The following ERI2 variants were observed in gnomAD, a reference collection of about 807,000 sequenced individuals.
The protein encoded by ERI2 is ERI1 exoribonuclease 2.
Under a neutral mutation model 46.8 loss-of-function variants are expected in ERI2, and 35 were observed. That is an observed-to-expected ratio of 0.75 (90% CI 0.57 to 0.99). ERI2 has a LOEUF of 0.99. ERI2 is among the 50% of genes least tolerant of loss of function. The pLI is 0.00. For synonymous variants in ERI2, 224 were observed against 271.0 expected (o/e 0.83, Z 1.70); for missense variants, 695 against 796.2 (o/e 0.87, Z 1.53).
rs1029199969 is a variant in ERI2 at position 20,805,993 on chromosome 16, A to G, written c.23+415T>C. 14 of 1,082,976 alleles carry G rather than the reference A, an allele frequency of 1.3e-5. No individual in the cohort carries two copies. In the South Asian group the frequency reaches 3.0e-4, roughly 23 times the overall value. 67.1% of individuals were successfully genotyped at this position (1,082,976 alleles called of 1,614,324 possible). A position where few individuals can be genotyped will look rare whatever the true frequency, so the allele number is the denominator to read the frequency against. On this transcript the variant is annotated intron_variant, in intron 1 of 8. Transcript: ENST00000357967. ...TACTAAATAAATTAAATTTAAGTTTAAGTTCTATTTCTTTACAGCACCGAG... is the reference window on the plus strand; with the variant it reads ...TACTAAATAAATTAAATTTAAGTTTGAGTTCTATTTCTTTACAGCACCGAG...
intron 6 of ERI2, 68 bp downstream of exon 6, chr16:20,800,234 T>C: frequency 2.7e-6 from 3 of 1,094,208 alleles, no homozygotes; most frequent in South Asian, 2.8e-5. Flanking sequence ...CCCATGCCCA[T>C]GTGTAGGATA....
rs780189382 is a variant in ERI2 at position 20,801,392 on chromosome 16, A to G, written c.304-33T>C. ...GAGAGTCACAAAAGCTGAATTCAAC[A>G]ATCAAATTCCATTATTATTTAGCAT... is the stretch of plus-strand genomic sequence containing the variant. On this transcript the variant is annotated intron_variant, in intron 4 of 8. Coordinates refer to ENST00000357967, the MANE Select transcript of ERI2 (RefSeq NM_001142725.2). 5.2e-6 allele frequency: 8 copies of G among 1,547,532 alleles called. No individual in the cohort carries two copies. The Admixed American group carries it at 8.5e-5, about 17-fold the overall frequency.
At position 20,790,878 on chromosome 16, in the gene ERI2, G is replaced by T; in HGVS notation, c.787C>A (p.Gln263Lys). 6.2e-7 allele frequency: 1 copy of T among 1,614,060 alleles called. No individual in the cohort carries two copies. Among genetic ancestry groups the T allele is most frequent in the Non-Finnish European group, 8.5e-7 (1 of 1,179,980 alleles). ...AATTCTTGCTGAAGAAAAGCATGCTGGTCCCCTGAGGCCAGATCACTGTTC... is the reference window on the plus strand; with the variant it reads ...AATTCTTGCTGAAGAAAAGCATGCTTGTCCCCTGAGGCCAGATCACTGTTC... Residue 263 changes from glutamine (Q) to lysine (K), a missense_variant, in exon 9 of 11, where the codon CAG becomes AAG. Coordinates refer to the ERI2 transcript ENST00000300005. The surrounding 1 kb of genome is among the most constrained non-coding windows in gnomAD (Gnocchi z 4.0).
chr16:20,792,211 G>T (rs1390816968), downstream of ERI2: 4 of 1,614,008 alleles, frequency 2.5e-6, no homozygotes, highest in South Asian at 3.3e-5. Context: ...TCACCTGTAT[G>T]TATTCCTGCC....
Position 20,803,495 on chromosome 16 carries a change from A to C in ERI2, c.113T>G (p.Ile38Ser). The change falls in exon 3 of 9, where the codon ATT (isoleucine) becomes AGT (serine). Residue 38 changes from isoleucine to serine, a missense_variant. Ile to Ser is a moderately radical substitution (Grantham distance 142). Transcript: ENST00000357967. ...SKSKQLFDYL[I>S]VIDFESTCWN... ...GCATGTCGATTCAAAATCAATGACA[A>C]TTAAGTAGTCAAACAACTGCTCTGC... 4.3e-6 allele frequency: 7 copies of C among 1,614,004 alleles called. No individual in the cohort carries two copies. Among genetic ancestry groups the C allele is most frequent in the Non-Finnish European group, 5.1e-6 (6 of 1,179,856 alleles).
intron 10 of ERI2, among the ~76,000 whole-genome samples, chr16:20,788,189 G>A (rs1248589751): frequency 6.6e-6 from 1 of 152,052 alleles, no homozygotes; most frequent in Non-Finnish European, 1.5e-5. Flanking sequence ...CTTAACAATA[G>A]TTTGTTGGTT....
At chr16:20,780,658 G>C (rs1191153498) in exon 11 of ERI2, 1 of 1,613,996 alleles carries the variant, frequency 6.2e-7, no homozygotes, top group Non-Finnish European at 8.5e-7. Flanking sequence ...TTTTTCAGTG[G>C]TAACAGTCTG....
intron 9 of ERI2, chr16:20,789,693 T>C (rs1468104525): frequency 1.4e-5 from 9 of 627,266 alleles, no homozygotes; most frequent in Admixed American, 3.0e-5. Flanking sequence ...TCTTTTTTTT[T>C]TTTTTTTTTT....
rs2080875904 is a variant in ERI2, at chr16:20,806,454, A to C, written c.-24T>G. ...ATTCCCGACACTCCTTGCTTTTCCA[A>C]GTCCAGCTGCCGGAAGTCGCTCGAC... On this transcript the variant is annotated 5_prime_UTR_variant, in exon 1 of 9. Coordinates refer to ENST00000357967, the MANE Select transcript of ERI2 (RefSeq NM_001142725.2). 3 of 1,552,004 alleles carry C rather than the reference A, an allele frequency of 1.9e-6. No individual in the cohort carries two copies. Among genetic ancestry groups the C allele is most frequent in the Non-Finnish European group, 1.7e-6 (2 of 1,147,646 alleles).
chr16:20,787,218 C>T (rs1027525579), intron 10 of ERI2, among the ~76,000 whole-genome samples: 2 of 152,198 alleles, frequency 1.3e-5, no homozygotes, highest in African/African-American at 4.8e-5. Context: ...TTGAAAACAT[C>T]CTAAGTCACA....
chr16:20,786,283 A>G, intron 10 of ERI2: 1 of 1,420,568 alleles, frequency 7.0e-7, no homozygotes, highest in South Asian at 1.5e-5. Context: ...ATGATACTTT[A>G]ATTTTTATAA....
intron 4 of ERI2, among the ~76,000 whole-genome samples, 173 bp downstream of exon 4, chr16:20,802,623 G>A (rs2080808659): frequency 6.7e-6 from 1 of 150,298 alleles, no homozygotes; most frequent in Non-Finnish European, 1.5e-5. Context: ...ATGTTGTCTA[G>A]GTTGGTCTCA....
downstream of ERI2, chr16:20,796,156 G>T: frequency 1.5e-6 from 1 of 673,988 alleles, no homozygotes; most frequent in South Asian, 2.5e-5. Context: ...TAGGCTGGAT[G>T]AGGCTGGGTT....
chr16:20,788,519 G>A (rs1011282539), intron 10 of ERI2, among the ~76,000 whole-genome samples: 3 of 152,136 alleles, frequency 2.0e-5, no homozygotes, highest in African/African-American at 7.2e-5. Context: ...TCTTTTCCAC[G>A]GGCCGTTATT....
chr16:20,795,766 G>C (rs112887155), downstream of ERI2, among the ~76,000 whole-genome samples: 841 of 152,264 alleles, frequency 5.5e-3, 9 homozygotes, highest in African/African-American at 0.019. Flanking sequence ...TAGTGCCCTA[G>C]GAGAGAAAAT....
chr16:20,785,253 C>A, intron 10 of ERI2: 1 of 1,125,138 alleles, frequency 8.9e-7, no homozygotes, highest in South Asian at 1.5e-5. Flanking sequence ...TTGCAAGAAC[C>A]TAATTGCAAA....
In ERI2 at chr16:20,798,936, AT is replaced by A; in HGVS notation, c.863del (p.Asn288IlefsTer8). 1 of 1,551,066 alleles carries A rather than the reference AT, an allele frequency of 6.4e-7. No individual in the cohort carries two copies. Among genetic ancestry groups the A allele is most frequent in the Non-Finnish European group, 8.7e-7 (1 of 1,146,804 alleles). On this transcript the variant is annotated frameshift_variant, in exon 9 of 9. Transcript: ENST00000357967. LOFTEE classifies it low-confidence loss of function (END_TRUNC). Reference sequence around the variant, plus strand: ...ACTTCATTTGAACTTTTTCATGAGGATTTATTATATTTTTAGGCTCCTTATT... The same window carrying A: ...ACTTCATTTGAACTTTTTCATGAGGATTATTATATTTTTAGGCTCCTTATT... ...IYNKEPKNII[N>X]PHEKVQMKSI... is the part of the protein sequence containing the mutation.
At position 20,796,359 on chromosome 16, in the gene ERI2, A is replaced by G. The variant is rs760774034; in HGVS notation, c.*1365T>C. 1 of 1,602,162 alleles carries G rather than the reference A, an allele frequency of 6.2e-7. No homozygotes were observed. The highest frequency in any genetic ancestry group is 1.1e-5 in the South Asian group (1 of 89,024). ...AACTCATTTTCCTGGTGTTTCAAAT[A>G]TTTATTTTAGGTAGTAAAGGCTTTT... On this transcript the variant is annotated 3_prime_UTR_variant, in exon 9 of 9. Coordinates refer to ENST00000357967, the MANE Select transcript of ERI2 (RefSeq NM_001142725.2).
In ERI2 at chr16:20,801,362, G is replaced by C. The variant is rs376528553; in HGVS notation, c.304-3C>G. The C allele has an allele frequency of 2.7e-4, 420 of 1,577,056 alleles. No homozygotes were observed. The highest frequency in any genetic ancestry group is 3.4e-4 in the Non-Finnish European group (401 of 1,165,176). ...GGGACTCCTTCATCAACTTGAGCCT[G>C]AGTAGAGAGTCACAAAAGCTGAATT... On this transcript the variant is annotated splice_polypyrimidine_tract_variant and splice_region_variant and intron_variant, in intron 4 of 8. Transcript: ENST00000357967.
Sources: allele counts gnomAD v4.1 joint callset (sites outside exome capture counted in the v4.1 genomes callset), GRCh38; gene constraint gnomAD v4.1.1; non-coding constraint Gnocchi (gnomAD v3.1); transcripts MANE v1.5; gene names NCBI Gene and HGNC (gene_info 2026-07-23, HGNC 2026-07-21).